The following MKNK2 variants were observed in gnomAD, a reference collection of about 807,000 sequenced individuals.
The protein encoded by MKNK2 is MAPK interacting serine/threonine kinase 2.
MKNK2 carries 54 observed loss-of-function variants against 55.0 expected under a neutral mutation model. The ratio of observed to expected loss-of-function variants is 0.98; its 90% CI spans 0.79 to 1.23. The LOEUF (loss-of-function observed/expected upper bound fraction) is 1.23. Ranked by LOEUF, MKNK2 falls within the 50% of genes most tolerant of loss-of-function variation. The probability of loss-of-function intolerance (pLI) is 0.00; values close to 1 mark genes in which losing one functional copy is unlikely to be tolerated. For synonymous variants in MKNK2, 323 were observed against 256.0 expected, an observed-to-expected ratio of 1.26 and a Z score of -2.50; for missense variants, 685 against 632.1, an observed-to-expected ratio of 1.08 and a Z score of -0.90.
intron 13 of MKNK2, 97 bp downstream of exon 13, chr19:2,040,037 C>A (rs967645745): frequency 7.6e-6 from 11 of 1,446,222 alleles, no homozygotes; most frequent in Non-Finnish European, 1.0e-5. Context: ...CCTGCCTCCC[C>A]GACCCCAAAG....
Position 2,039,291 on chromosome 19 carries a change from G to T in MKNK2, c.*322C>A. The T allele has an allele frequency of 8.3e-7, 1 of 1,197,670 alleles. No individual in the cohort carries two copies. Among genetic ancestry groups the T allele is most frequent in the East Asian group, 3.7e-5 (1 of 27,318 alleles). The allele number at this position is 1,197,670 out of a possible 1,614,324, so 74.2% of individuals were successfully genotyped here. A position where few individuals can be genotyped will look rare whatever the true frequency, so the allele number is the denominator to read the frequency against. ...AGATGGCGGGCAGCACAGGTGACCT[G>T]GGGGCACCTTCATAGTAGAGGTGAG... On this transcript the variant is annotated 3_prime_UTR_variant, in exon 14 of 14. Transcript: ENST00000250896.
In MKNK2 at chr19:2,039,416, C is replaced by T. The variant is rs548999745; in HGVS notation, c.*197G>A. ...TTTAACCATCCAAAGGAAAAAATAACGGGGAGGGGTGGAAACAGGAAAAAA... is the reference window on the plus strand; with the variant it reads ...TTTAACCATCCAAAGGAAAAAATAATGGGGAGGGGTGGAAACAGGAAAAAA... On this transcript the variant is annotated 3_prime_UTR_variant, in exon 14 of 14. Coordinates refer to ENST00000250896, the MANE Select transcript of MKNK2 (RefSeq NM_199054.3). The T allele has an allele frequency of 5.4e-5, 75 of 1,401,726 alleles. 1 individual carries two copies. The South Asian group carries it at 1.1e-3, about 20-fold the overall frequency. The allele number at this position is 1,401,726 out of a possible 1,614,324, so 86.8% of individuals were successfully genotyped here. A position where few individuals can be genotyped will look rare whatever the true frequency, so the allele number is the denominator to read the frequency against.
Position 2,039,660 on chromosome 19 carries a change from C to A in MKNK2, c.1351G>T (p.Ala451Ser), listed in dbSNP as rs779996557. The A allele has an allele frequency of 1.2e-6, 2 of 1,612,652 alleles. No homozygotes were observed. The highest frequency in any genetic ancestry group is 1.7e-6 in the Non-Finnish European group (2 of 1,179,826). Residue 451 changes from alanine (A) to serine (S), a missense_variant, in exon 14 of 14, where the codon GCC (alanine) becomes TCC (serine). Ala to Ser is a moderately conservative substitution (Grantham distance 99, BLOSUM62 1). Transcript: ENST00000250896. ...QSKLAQRRQR[A>S]SLSSAPVVLV... ...ACCACTGGGGCCGAGGACAGACTGG[C>A]CCTTTGCCGCCGCTGCGCCAGCTTG...
Position 2,037,788 on chromosome 19 carries a change from A to C in MKNK2, c.*1825T>G. 1 of 1,605,710 alleles carries C rather than the reference A, an allele frequency of 6.2e-7. No individual in the cohort carries two copies. The stretch of plus-strand genomic sequence containing the variant: ...GACCAGTCCTCCAGGTCGCACGTGG[A>C]TGCGACAGGGGTGGGGAGGGAGGAG... On this transcript the variant is annotated 3_prime_UTR_variant, in exon 14 of 14. Transcript: ENST00000250896.
Position 2,039,406 on chromosome 19 carries a change from G to A in MKNK2, c.*207C>T, listed in dbSNP as rs1451172786. Reference sequence around the variant, plus strand: ...CTGCAATGCTTTTAACCATCCAAAGGAAAAAATAACGGGGAGGGGTGGAAA... The same window carrying A: ...CTGCAATGCTTTTAACCATCCAAAGAAAAAAATAACGGGGAGGGGTGGAAA... On this transcript the variant is annotated 3_prime_UTR_variant, in exon 14 of 14. Transcript: ENST00000250896. The A allele has an allele frequency of 2.7e-5, 38 of 1,403,984 alleles. No individual in the cohort carries two copies. The highest frequency in any genetic ancestry group is 3.3e-5 in the Non-Finnish European group (36 of 1,082,146). The allele number at this position is 1,403,984 out of a possible 1,614,324, so 87.0% of individuals were successfully genotyped here.
chr19:2,040,816 G>A, intron 12 of MKNK2: 2 of 575,374 alleles, frequency 3.5e-6, no homozygotes, highest in Non-Finnish European at 6.2e-6. Flanking sequence ...AAGGTTCTCT[G>A]AGTAGCTGCT....
chr19:2,048,237 AT>A (rs1420336220), intron 2 of MKNK2, among the ~76,000 whole-genome samples: 1 of 149,582 alleles, frequency 6.7e-6, no homozygotes, highest in Non-Finnish European at 1.5e-5. Context: ...GGGCTGGGTC[AT>A]TTCTTGACCC....
Position 2,046,475 on chromosome 19 carries a change from C to A in MKNK2, c.140-7G>T, listed in dbSNP as rs375227257. ...GGCTGGCTGGCGGGCATGTCTGTTC[C>A]AGGAGGCACGCCCAGGGGGCTCAGG... On this transcript the variant is annotated splice_region_variant and splice_polypyrimidine_tract_variant and intron_variant, in intron 3 of 13. Coordinates refer to ENST00000250896, the MANE Select transcript of MKNK2 (RefSeq NM_199054.3). The A allele has an allele frequency of 3.1e-6, 5 of 1,606,140 alleles. No homozygotes were observed. The highest frequency in any genetic ancestry group is 3.4e-6 in the Non-Finnish European group (4 of 1,178,456).
chr19:2,041,740 TAGAG>T, intron 11 of MKNK2, 96 bp downstream of exon 11: 1 of 1,012,642 alleles, frequency 9.9e-7, no homozygotes, highest in Non-Finnish European at 1.4e-6. Context: ...CCCCTGGACT[TAGAG>T]GGTGCGCAGG....
Position 2,039,738 on chromosome 19 carries a change from C to T in MKNK2, c.1273G>A (p.Val425Ile), listed in dbSNP as rs769198683. The T allele has an allele frequency of 1.7e-5, 28 of 1,610,516 alleles. No individual in the cohort carries two copies. In the Middle Eastern group the frequency reaches 6.6e-4, roughly 38 times the overall value. The change falls in exon 14 of 14, where the codon GTC becomes ATC. Residue 425 changes from valine (V) to isoleucine (I), a missense_variant. Transcript: ENST00000250896. Reference protein sequence around the residue: ...EEEAAGQGQPVLVRATSRCLQ... With the variant: ...EEEAAGQGQPILVRATSRCLQ... ...CAGCGTGAGGTAGCTCGGACCAGGA[C>T]GGGCTGGCCCTGCCCCGCGGCCTCC...
rs372961015 is a variant in MKNK2, at chr19:2,039,579, C to T, written c.*34G>A. 42 of 1,576,780 alleles carry T rather than the reference C, an allele frequency of 2.7e-5. No individual in the cohort carries two copies. The highest frequency in any genetic ancestry group is 9.1e-5 in the East Asian group (4 of 44,156). On this transcript the variant is annotated 3_prime_UTR_variant, in exon 14 of 14. Transcript: ENST00000250896. ...AAAACCTTTAGATTTGATTGGGGGA[C>T]GGGTGACCTATGTACAGAGGGGAGA...
chr19:2,045,334 G>A (rs1204521077), intron 5 of MKNK2, among the ~76,000 whole-genome samples: 1 of 152,184 alleles, frequency 6.6e-6, no homozygotes. Flanking sequence ...CCAGGAGAGG[G>A]CTGTGCTCAG....
chr19:2,039,895 A>C (rs781694512), intron 13 of MKNK2, 39 bp from the exon 14 acceptor site: 1 of 1,566,386 alleles, frequency 6.4e-7, no homozygotes, highest in East Asian at 2.3e-5. Flanking sequence ...ACCAAGAGGC[A>C]CCCCTCAGGG....
chr19:2,043,666 G>A, intron 5 of MKNK2, 84 bp from the exon 6 acceptor site: 2 of 1,227,436 alleles, frequency 1.6e-6, no homozygotes, highest in Non-Finnish European at 2.4e-6. Context: ...TGCCACGGCT[G>A]GAATTCACCA....
At position 2,051,159 on chromosome 19, in the gene MKNK2, C is replaced by T. The variant is rs1304150961; in HGVS notation, c.-160G>A. 1.9e-5 allele frequency: 3 copies of T among 161,180 alleles called. No homozygotes were observed. The highest frequency in any genetic ancestry group is 2.7e-5 in the Non-Finnish European group (2 of 74,290). 10.0% of individuals were successfully genotyped at this position (161,180 alleles called of 1,614,324 possible). ...GCCCCACGTCGCGCAGCCCGGACCCCGCTCCGCGGACCGCGCGGGGAACAG... is the reference window on the plus strand; with the variant it reads ...GCCCCACGTCGCGCAGCCCGGACCCTGCTCCGCGGACCGCGCGGGGAACAG... On this transcript the variant is annotated 5_prime_UTR_variant, in exon 1 of 14. Coordinates refer to ENST00000250896, the MANE Select transcript of MKNK2 (RefSeq NM_199054.3).
intron 2 of MKNK2, among the ~76,000 whole-genome samples, chr19:2,046,936 A>G (rs942058980): frequency 7.9e-5 from 12 of 152,074 alleles, no homozygotes; most frequent in African/African-American, 2.9e-4. Flanking sequence ...GCTGCCCCAC[A>G]CTCAGTGTGT....
In MKNK2 at chr19:2,050,894, C is replaced by CG; in HGVS notation, c.-44dup. ...CCAGCGGGGGAGGGGACCGAGGGCC[C>CG]GGGGGGAGGCCCGAGGGCGGGCGGC... On this transcript the variant is annotated 5_prime_UTR_variant, in exon 2 of 14. Coordinates refer to ENST00000250896, the MANE Select transcript of MKNK2 (RefSeq NM_199054.3). 2 of 1,467,200 alleles carry CG rather than the reference C, an allele frequency of 1.4e-6. No homozygotes were observed. The highest frequency in any genetic ancestry group is 9.1e-7 in the Non-Finnish European group (1 of 1,099,324). The allele number at this position is 1,467,200 out of a possible 1,614,324, so 90.9% of individuals were successfully genotyped here. A position where few individuals can be genotyped will look rare whatever the true frequency, so the allele number is the denominator to read the frequency against.
intron 5 of MKNK2, among the ~76,000 whole-genome samples, chr19:2,045,290 C>T (rs138024282): frequency 7.9e-4 from 121 of 152,278 alleles, no homozygotes; most frequent in African/African-American, 2.9e-3. Context: ...GTGTCCCTAT[C>T]TGTCAAACAA....
In MKNK2 at chr19:2,039,580, G is replaced by A. The variant is rs755430406; in HGVS notation, c.*33C>T. 8.9e-6 allele frequency: 14 copies of A among 1,578,234 alleles called. No homozygotes were observed. Among genetic ancestry groups the A allele is most frequent in the African/African-American group, 5.4e-5 (4 of 74,344 alleles). On this transcript the variant is annotated 3_prime_UTR_variant, in exon 14 of 14. Transcript: ENST00000250896. ...AAACCTTTAGATTTGATTGGGGGAC[G>A]GGTGACCTATGTACAGAGGGGAGAT...
Sources: allele counts gnomAD v4.1 joint callset (sites outside exome capture counted in the v4.1 genomes callset), GRCh38; gene constraint gnomAD v4.1.1; transcripts MANE v1.5; gene names NCBI Gene and HGNC (gene_info 2026-07-23, HGNC 2026-07-21).